Variants in ADGRL3 observed in about 807,000 individuals in gnomAD.
ADGRL3 encodes the protein calcium-independent alpha-latrotoxin receptor 3.
ADGRL3 carries 62 observed loss-of-function variants against 153.5 expected under a neutral mutation model. The observed-to-expected ratio is 0.40, with a 90% CI of 0.33 to 0.50. The LOEUF (loss-of-function observed/expected upper bound fraction) is 0.50. Among genes scored for constraint, ADGRL3 ranks in the 20% least tolerant of loss-of-function variants. ADGRL3 has a pLI of 0.47. For synonymous variants in ADGRL3, 710 were observed against 672.5 expected, an observed-to-expected ratio of 1.06 and a Z score of -0.86; for missense variants, 1,641 against 1,859.4, an observed-to-expected ratio of 0.88 and a Z score of 2.16.
rs1329474417 is a variant in ADGRL3 at position 61,813,850 on chromosome 4, A to G, written c.1441A>G (p.Ile481Val). 1.3e-6 allele frequency: 2 copies of G among 1,578,556 alleles called. No homozygotes were observed. The highest frequency in any genetic ancestry group is 2.2e-5 in the South Asian group (2 of 90,294). Residue 481 changes from isoleucine to valine, a missense_variant, in exon 9 of 27, where the codon ATT becomes GTT. By Grantham distance (29) the Ile-to-Val change is conservative (BLOSUM62 3). Coordinates refer to ENST00000683033, the MANE Select transcript of ADGRL3 (RefSeq NM_001387552.1). ...HGQVSYISPP[I>V]HLDSELERPS... ...ACAAGTTTCATACATTTCTCCGCCA[A>G]TTCACCTTGACTCTGAGCTAGAAAG...
chr4:61,676,762 T>C (rs770661149), intron 5 of ADGRL3, 64 bp from the exon 6 acceptor site: 18 of 1,071,224 alleles, frequency 1.7e-5, no homozygotes, highest in Non-Finnish European at 2.3e-5. Context: ...AAATTAGTGT[T>C]GATGTTGATA....
chr4:61,628,324 C>T (rs937193824), intron 5 of ADGRL3, among the ~76,000 whole-genome samples: 1 of 152,148 alleles, frequency 6.6e-6, no homozygotes, highest in Non-Finnish European at 1.5e-5. Context: ...TTACCCTGCA[C>T]TGCCAATCTG....
At chr4:61,235,293 T>C (rs1752390790) in intron 1 of ADGRL3, among the ~76,000 whole-genome samples, 1 of 152,226 alleles carries the variant, frequency 6.6e-6, no homozygotes, top group South Asian at 2.1e-4. Context: ...GTATTTGTGA[T>C]AATTAAGAAA....
rs181127922 is a variant in ADGRL3 at position 61,787,208 on chromosome 4, T to C, written c.1400-26601T>C. 6.2e-4 allele frequency among the ~76,000 whole-genome samples: 94 copies of C among 152,260 alleles called. 1 individual carries two copies. In the Middle Eastern group the frequency reaches 0.01, roughly 17 times the overall value. ...AGGTATCATTTTTCTCTAATTGATA[T>C]GTCACATAAGATGAATTATTGTTTT... is the stretch of plus-strand genomic sequence containing the variant. On this transcript the variant is annotated intron_variant, in intron 8 of 26. Coordinates refer to ENST00000683033, the MANE Select transcript of ADGRL3 (RefSeq NM_001387552.1).
chr4:61,270,876 A>C (rs1042834134), intron 1 of ADGRL3, among the ~76,000 whole-genome samples: 4 of 151,706 alleles, frequency 2.6e-5, no homozygotes, highest in Non-Finnish European at 4.4e-5. Context: ...TCTAAGTTCA[A>C]ATAGAAAAGG....
At chr4:61,991,507 G>C (rs2099103542) in intron 19 of ADGRL3, among the ~76,000 whole-genome samples, 1 of 151,924 alleles carries the variant, frequency 6.6e-6, no homozygotes, top group African/African-American at 2.4e-5. Context: ...ATAACATGTT[G>C]AGGAAATAAA....
At chr4:61,598,153 G>A (rs545433674) in intron 5 of ADGRL3, among the ~76,000 whole-genome samples, 8 of 151,394 alleles carry the variant, frequency 5.3e-5, no homozygotes, top group Non-Finnish European at 1.0e-4. Flanking sequence ...TCCCTGCTGT[G>A]ACATTAAAAA....
intron 8 of ADGRL3, among the ~76,000 whole-genome samples, chr4:61,785,423 G>A (rs2097265309): frequency 6.6e-6 from 1 of 152,086 alleles, no homozygotes; most frequent in South Asian, 2.1e-4. Context: ...TAAAGTAGGT[G>A]GCACTGCTTT....
intron 13 of ADGRL3, among the ~76,000 whole-genome samples, chr4:61,916,626 G>A (rs904191529): frequency 1.3e-4 from 19 of 151,814 alleles, no homozygotes; most frequent in Admixed American, 2.6e-4. Flanking sequence ...CCTGACATGT[G>A]TCCTATGCTG....
At chr4:61,667,827 T>G (rs1417501736) in intron 5 of ADGRL3, among the ~76,000 whole-genome samples, 1 of 152,202 alleles carries the variant, frequency 6.6e-6, no homozygotes, top group African/African-American at 2.4e-5. Context: ...TAAATGTGGC[T>G]TACATGCCTT....
At chr4:61,914,901 T>C (rs1459122957) in intron 13 of ADGRL3, among the ~76,000 whole-genome samples, 2 of 152,126 alleles carry the variant, frequency 1.3e-5, no homozygotes, top group Non-Finnish European at 2.9e-5. Context: ...TGGAGTCACA[T>C]GTCCTGAGTC....
At chr4:61,216,462 A>G (rs1003029767) in intron 1 of ADGRL3, among the ~76,000 whole-genome samples, 3 of 152,046 alleles carry the variant, frequency 2.0e-5, no homozygotes, top group Non-Finnish European at 2.9e-5. Context: ...ACTTTTCTTC[A>G]TTTATAAAGC....
chr4:61,830,014 AAT>A (rs2097851660), intron 9 of ADGRL3, among the ~76,000 whole-genome samples: 1 of 150,476 alleles, frequency 6.6e-6, no homozygotes, highest in Non-Finnish European at 1.5e-5. Flanking sequence ...CAAAAAAAAA[AAT>A]TTTTTTTTTT....
chr4:61,888,200 T>A (rs2098550277), intron 9 of ADGRL3, among the ~76,000 whole-genome samples: 1 of 152,114 alleles, frequency 6.6e-6, no homozygotes, highest in African/African-American at 2.4e-5. Context: ...ATAAGGAAAA[T>A]TGCAAAATTT....
rs988790026 is a variant in ADGRL3 at position 61,683,774 on chromosome 4, T to C, written c.583+6839T>C. Among the ~76,000 whole-genome samples the C allele has an allele frequency of 2.0e-5, 3 of 152,218 alleles. No individual in the cohort carries two copies. The South Asian group carries it at 6.2e-4, about 32-fold the overall frequency. On this transcript the variant is annotated intron_variant, in intron 6 of 26. Transcript: ENST00000683033. ...ACTGTCTTTGGCTTGGAGGTGGGGT[T>C]TCACTGGGGACCCACCCCTATCTGC...
chr4:61,625,439 T>C (rs1466919427), intron 5 of ADGRL3, among the ~76,000 whole-genome samples: 4 of 152,120 alleles, frequency 2.6e-5, no homozygotes, highest in Non-Finnish European at 4.4e-5. Flanking sequence ...CATATAAATA[T>C]ATGCACACAT....
intron 4 of ADGRL3, among the ~76,000 whole-genome samples, chr4:61,582,060 T>A (rs953099201): frequency 3.3e-5 from 5 of 152,180 alleles, no homozygotes; most frequent in African/African-American, 7.2e-5. Flanking sequence ...AGAAAATAAA[T>A]ATAAATATAA....
In ADGRL3 at chr4:61,461,293, C is replaced by A. The variant is rs375935302; in HGVS notation, c.-173-35828C>A. 2.9e-4 allele frequency among the ~76,000 whole-genome samples: 44 copies of A among 152,166 alleles called. 1 individual carries two copies. The highest frequency in any genetic ancestry group is 2.3e-3 in the East Asian group (12 of 5,158). The stretch of plus-strand genomic sequence containing the variant: ...AACAGTTAGATAGAAGTAATAAATT[C>A]TAGTGTTTGACAACACAGTGAGGTG... On this transcript the variant is annotated intron_variant, in intron 2 of 26. Coordinates refer to ENST00000683033, the MANE Select transcript of ADGRL3 (RefSeq NM_001387552.1).
At chr4:61,500,673 C>T (rs2098378049) in intron 3 of ADGRL3, among the ~76,000 whole-genome samples, 1 of 152,172 alleles carries the variant, frequency 6.6e-6, no homozygotes, top group Admixed American at 6.5e-5. Flanking sequence ...GGGTAATGAT[C>T]TGAATTGCTA....
Sources: allele counts gnomAD v4.1 joint callset (sites outside exome capture counted in the v4.1 genomes callset), GRCh38; gene constraint gnomAD v4.1.1; transcripts MANE v1.5; gene names NCBI Gene and HGNC (gene_info 2026-07-23, HGNC 2026-07-21).